Variants in C12orf42 observed in about 807,000 individuals in gnomAD.
C12orf42 encodes chromosome 12 open reading frame 42.
In C12orf42, 25 loss-of-function variants were observed where a neutral mutation model predicts 21.6. The ratio of observed to expected loss-of-function variants is 1.16; its 90% CI spans 0.84 to 1.62. The LOEUF is 1.62. Ranked by LOEUF, C12orf42 falls within the 40% of genes most tolerant of loss-of-function variation. The probability of loss-of-function intolerance (pLI) is 0.00; values close to 1 mark genes in which losing one functional copy is unlikely to be tolerated. For missense variants in C12orf42, 483 were observed against 459.3 expected (o/e 1.05, Z -0.47); for synonymous variants, 174 against 175.0 (o/e 0.99, Z 0.05).
chr12:103,170,993 T>C, the C12orf42 span, among the ~76,000 whole-genome samples: 2 of 152,172 alleles, frequency 1.3e-5, no homozygotes, highest in Non-Finnish European at 2.9e-5. Flanking sequence ...CATCCCATTA[T>C]GTTATACTTG....
the C12orf42 span, among the ~76,000 whole-genome samples, chr12:103,535,891 C>T: frequency 6.6e-6 from 1 of 152,162 alleles, no homozygotes. Context: ...GACCCTCTCA[C>T]CTTAGGCTCC....
intron 4 of C12orf42, among the ~76,000 whole-genome samples, chr12:103,320,511 C>A (rs1386716226): frequency 6.6e-6 from 1 of 152,136 alleles, no homozygotes; most frequent in East Asian, 1.9e-4. Flanking sequence ...ACTGACAACG[C>A]CACATTTGGT....
chr12:103,458,253 T>A (rs929445445), intron 2 of C12orf42, among the ~76,000 whole-genome samples: 1 of 151,806 alleles, frequency 6.6e-6, no homozygotes, highest in Non-Finnish European at 1.5e-5. Flanking sequence ...CAGGAACAAA[T>A]CCAACAAACC....
At chr12:103,157,394 T>C in the C12orf42 span, among the ~76,000 whole-genome samples, 2 of 152,192 alleles carry the variant, frequency 1.3e-5, no homozygotes, top group African/African-American at 4.8e-5. Flanking sequence ...GATGGGTAGA[T>C]TGCAAAATTT....
the C12orf42 span, among the ~76,000 whole-genome samples, chr12:103,107,474 C>T: frequency 2.0e-5 from 3 of 151,854 alleles, no homozygotes; most frequent in South Asian, 6.2e-4. Flanking sequence ...TAGTTAGAAA[C>T]TGCCAATATA....
At chr12:103,537,267 G>C in the C12orf42 span, among the ~76,000 whole-genome samples, 2 of 151,964 alleles carry the variant, frequency 1.3e-5, no homozygotes, top group African/African-American at 4.8e-5. Flanking sequence ...AGAAGGGTTG[G>C]TGAGTGGTTC....
intron 4 of C12orf42, among the ~76,000 whole-genome samples, chr12:103,322,443 A>G (rs1386209965): frequency 6.6e-6 from 1 of 151,962 alleles, no homozygotes; most frequent in Non-Finnish European, 1.5e-5. Flanking sequence ...TTCATATTTC[A>G]CTGTTTTCAC....
the C12orf42 span, among the ~76,000 whole-genome samples, chr12:103,140,495 T>C: frequency 2.0e-5 from 3 of 152,162 alleles, no homozygotes; most frequent in Non-Finnish European, 4.4e-5. Flanking sequence ...CCAGTGCTGC[T>C]ATTTTCCTGA....
chr12:103,315,987 T>TAC (rs374073412), intron 4 of C12orf42, among the ~76,000 whole-genome samples: 11,679 of 150,744 alleles, frequency 0.077, 473 homozygotes, highest in East Asian at 0.18. Context: ...TATATATATA[T>TAC]ACACACACAC....
At chr12:103,370,636 C>T (rs975242658) in intron 3 of C12orf42, among the ~76,000 whole-genome samples, 4 of 151,868 alleles carry the variant, frequency 2.6e-5, no homozygotes, top group Admixed American at 6.6e-5. Flanking sequence ...GAAACAGAAG[C>T]CTAAATACCA....
chr12:103,095,399 C>T, the C12orf42 span, among the ~76,000 whole-genome samples: 1 of 152,276 alleles, frequency 6.6e-6, no homozygotes, highest in East Asian at 1.9e-4. Context: ...TCCTTGCTGC[C>T]CTTGAACACA....
chr12:103,220,133 C>G, the C12orf42 span, among the ~76,000 whole-genome samples: 15 of 152,110 alleles, frequency 9.9e-5, no homozygotes, highest in Non-Finnish European at 1.8e-4. Flanking sequence ...AACTGGAAAC[C>G]ATCATTCTCA....
chr12:103,560,579 T>C, the C12orf42 span, among the ~76,000 whole-genome samples: 1 of 152,230 alleles, frequency 6.6e-6, no homozygotes, highest in Non-Finnish European at 1.5e-5. Flanking sequence ...GGTACAAGGA[T>C]ACATAGCTTT....
At chr12:103,194,792 AT>A in the C12orf42 span, among the ~76,000 whole-genome samples, 1 of 152,020 alleles carries the variant, frequency 6.6e-6, no homozygotes. Flanking sequence ...TTCCAAAAGC[AT>A]TTTTTCCAAC....
At chr12:103,486,892 CT>C (rs1954871541) in intron 1 of C12orf42, among the ~76,000 whole-genome samples, 1 of 152,132 alleles carries the variant, frequency 6.6e-6, no homozygotes, top group Non-Finnish European at 1.5e-5. Context: ...TTTTATTGAT[CT>C]TTTCAAAAAA....
At chr12:103,282,968 T>C (rs1156288115) in intron 4 of C12orf42, among the ~76,000 whole-genome samples, 1 of 152,176 alleles carries the variant, frequency 6.6e-6, no homozygotes, top group Non-Finnish European at 1.5e-5. Flanking sequence ...TAGAAACTAC[T>C]GTCAGAGGCA....
At chr12:103,137,301 G>C in the C12orf42 span, among the ~76,000 whole-genome samples, 4 of 151,022 alleles carry the variant, frequency 2.6e-5, no homozygotes, top group African/African-American at 9.8e-5. Flanking sequence ...GGGAAACGCA[G>C]ATCAAAACCA....
At chr12:103,560,749 C>T in the C12orf42 span, among the ~76,000 whole-genome samples, 4 of 152,182 alleles carry the variant, frequency 2.6e-5, no homozygotes, top group Admixed American at 6.5e-5. Flanking sequence ...GCTAGTCATA[C>T]GCAAAGTCCA....
chr12:103,439,700 A>G (rs1030526459), intron 2 of C12orf42, among the ~76,000 whole-genome samples: 1 of 152,140 alleles, frequency 6.6e-6, no homozygotes, highest in South Asian at 2.1e-4. Context: ...AATCAAAACC[A>G]GAATGAGATA....
Sources: gnomAD v4.1 joint callset for allele counts (sites outside exome capture counted in the v4.1 genomes callset) on GRCh38, gnomAD v4.1.1 for gene constraint, MANE v1.5 for transcripts, NCBI Gene and HGNC (gene_info 2026-07-23, HGNC 2026-07-21) for gene names.